Variants in ZNF34 observed in about 807,000 individuals in gnomAD.
ZNF34 encodes zinc finger protein 34 (KOX 32).
Under a neutral mutation model 14.4 loss-of-function variants are expected in ZNF34, and 8 were observed. The observed-to-expected ratio is 0.55, with a 90% confidence interval of 0.33 to 1.00. The LOEUF is 1.00. ZNF34 is among the 50% of genes least tolerant of loss of function. The pLI is 0.03. For synonymous variants in ZNF34, 235 were observed against 247.9 expected (o/e 0.95, Z 0.49); for missense variants, 538 against 674.2 (o/e 0.80, Z 2.24).
rs776224717 is a variant in ZNF34, at chr8:144,773,492, T to C, written c.1394A>G (p.Asn465Ser). 1.1e-5 allele frequency: 18 copies of C among 1,613,928 alleles called. No individual in the cohort carries two copies. Among genetic ancestry groups the C allele is most frequent in the Non-Finnish European group, 1.5e-5 (18 of 1,180,012 alleles). ...CTGGTGGTGGATGAGTCTGGAACTGTTGTGGAAGGCCTTCCCACACTCGCT... is the reference window on the plus strand; with the variant it reads ...CTGGTGGTGGATGAGTCTGGAACTGCTGTGGAAGGCCTTCCCACACTCGCT... ...KCSECGKAFH[N>S]SSRLIHHQRL... The change falls in exon 6 of 6, where the codon AAC (asparagine) becomes AGC (serine). Residue 465 changes from asparagine to serine, a missense_variant. Physicochemically the swap from Asn to Ser is conservative, Grantham distance 46 (BLOSUM62 1). This residue lies in a region of ZNF34 where 101 missense variants were observed against 123.1 expected (regional missense o/e 0.82). Coordinates refer to ENST00000429371, the MANE Select transcript of ZNF34 (RefSeq NM_001286769.2). The surrounding 1 kb of genome is among the most constrained non-coding windows in gnomAD (Gnocchi z 5.4).
Position 144,774,275 on chromosome 8 carries a change from A to C in ZNF34, c.611T>G (p.Val204Gly). The C allele has an allele frequency of 6.2e-7, 1 of 1,613,838 alleles. No individual in the cohort carries two copies. Among genetic ancestry groups the C allele is most frequent in the Non-Finnish European group, 8.5e-7 (1 of 1,179,790 alleles). Residue 204 changes from valine (V) to glycine (G), a missense_variant, in exon 6 of 6, where the codon GTT (valine) becomes GGT (glycine). Transcript: ENST00000429371. The stretch of plus-strand genomic sequence containing the variant: ...ACTGAAGATTTCCCCAGAGTTACGA[A>C]CTGTATTTGTTTTTTTTGACCTGTG... ...RVHRSKKTNT[V>G]RNSGEIFSAN...
rs1193478439 is a variant in ZNF34 at position 144,781,329 on chromosome 8, C to T, written c.-107-1049G>A. 8.0e-5 allele frequency among the ~76,000 whole-genome samples: 12 copies of T among 149,680 alleles called. No individual in the cohort carries two copies. The Middle Eastern group carries it at 0.01, about 130-fold the overall frequency. On this transcript the variant is annotated intron_variant, in intron 1 of 5. Transcript: ENST00000429371. The stretch of plus-strand genomic sequence containing the variant: ...TGTCGCCCAGGCTAGAGTACAGTGG[C>T]GCGATCTTGGCTCACTGCAAGCTCT...
At chr8:144,784,103 T>G (rs1238155297) in intron 1 of ZNF34, among the ~76,000 whole-genome samples, 5 of 145,760 alleles carry the variant, frequency 3.4e-5, no homozygotes, top group Non-Finnish European at 4.5e-5. Flanking sequence ...GAGGTTACAG[T>G]GAGCCGAGAT....
Position 144,778,398 on chromosome 8 carries a change from T to C in ZNF34, c.33+41A>G, listed in dbSNP as rs577008460. ...TGGCAGTGTTTGCCAAGGAAAGCCC[T>C]GGGTAAAAACTTCACTCCTCCCAGG... On this transcript the variant is annotated intron_variant, in intron 3 of 5. Coordinates refer to ENST00000429371, the MANE Select transcript of ZNF34 (RefSeq NM_001286769.2). 1.4e-5 allele frequency: 21 copies of C among 1,485,700 alleles called. 1 individual carries two copies. In the South Asian group the frequency reaches 2.8e-4, roughly 20 times the overall value. 92.0% of individuals were successfully genotyped at this position (1,485,700 alleles called of 1,614,324 possible). A position where few individuals can be genotyped will look rare whatever the true frequency, so the allele number is the denominator to read the frequency against.
In ZNF34 at chr8:144,779,450, C is replaced by T. The variant is rs1242137067; in HGVS notation, c.-55+778G>A. Reference sequence around the variant, plus strand: ...ATCATCAATAAATAGTGTGGGCTCCCAGAGCTTGGTGCCTTCACAGCCTCC... The same window carrying T: ...ATCATCAATAAATAGTGTGGGCTCCTAGAGCTTGGTGCCTTCACAGCCTCC... On this transcript the variant is annotated intron_variant, in intron 2 of 5. Coordinates refer to ENST00000429371, the MANE Select transcript of ZNF34 (RefSeq NM_001286769.2). The surrounding 1 kb of genome is among the most constrained non-coding windows in gnomAD (Gnocchi z 4.1). Among the ~76,000 whole-genome samples, 2 of 152,150 alleles carry T rather than the reference C, an allele frequency of 1.3e-5. No individual in the cohort carries two copies. Among genetic ancestry groups the T allele is most frequent in the African/African-American group, 2.4e-5 (1 of 41,424 alleles).
chr8:144,785,105 C>A (rs2955196), intron 1 of ZNF34, among the ~76,000 whole-genome samples: 14 of 104,424 alleles, frequency 1.3e-4, no homozygotes, highest in East Asian at 5.1e-4. Flanking sequence ...CCAGACCCTG[C>A]CAAAAAAAAA....
At position 144,779,812 on chromosome 8, in the gene ZNF34, T is replaced by G. The variant is rs1202091459; in HGVS notation, c.-55+416A>C. Among the ~76,000 whole-genome samples, 1 of 152,024 alleles carries G rather than the reference T, an allele frequency of 6.6e-6. No homozygotes were observed. Among genetic ancestry groups the G allele is most frequent in the Non-Finnish European group, 1.5e-5 (1 of 68,010 alleles). On this transcript the variant is annotated intron_variant, in intron 2 of 5. Coordinates refer to ENST00000429371, the MANE Select transcript of ZNF34 (RefSeq NM_001286769.2). The surrounding 1 kb of genome is among the most constrained non-coding windows in gnomAD (Gnocchi z 4.1). ...GCTCTGGCATGCTAAGCTGTCTCAT[T>G]CAGGAGGAAAACGACAATACTCATT...
intron 1 of ZNF34, among the ~76,000 whole-genome samples, chr8:144,787,066 A>G (rs1826292087): frequency 6.6e-6 from 1 of 152,060 alleles, no homozygotes. Flanking sequence ...CCCCGTGAGG[A>G]GCGACCCCAG....
intron 1 of ZNF34, among the ~76,000 whole-genome samples, chr8:144,786,883 C>T (rs950405688): frequency 6.6e-6 from 1 of 151,992 alleles, no homozygotes; most frequent in South Asian, 2.1e-4. Flanking sequence ...GAGCCCCGCC[C>T]CTGAAAAGCT....
Position 144,778,540 on chromosome 8 carries a change from C to T in ZNF34, c.-54-15G>A, listed in dbSNP as rs936684641. 1.9e-5 allele frequency: 30 copies of T among 1,545,298 alleles called. No individual in the cohort carries two copies. Among genetic ancestry groups the T allele is most frequent in the Non-Finnish European group, 2.5e-5 (29 of 1,145,186 alleles). ...TCACTGAGGAGCTGAGGGAAGAGAA[C>T]GCAACAAGTGGAGGCCCAGTCTGGC... is the stretch of plus-strand genomic sequence containing the variant. On this transcript the variant is annotated splice_polypyrimidine_tract_variant and intron_variant, in intron 2 of 5. Coordinates refer to ENST00000429371, the MANE Select transcript of ZNF34 (RefSeq NM_001286769.2).
At position 144,773,222 on chromosome 8, in the gene ZNF34, AG is replaced by A. The variant is rs1240940982; in HGVS notation, c.*43del. On this transcript the variant is annotated 3_prime_UTR_variant, in exon 6 of 6. Coordinates refer to ENST00000429371, the MANE Select transcript of ZNF34 (RefSeq NM_001286769.2). The surrounding 1 kb of genome is among the most constrained non-coding windows in gnomAD (Gnocchi z 5.4). ...AGAGTCAGGTGCCGGGGGCGCATGC[AG>A]GAAGTGCTCAGCTGGACTCTGCCCT... 3.9e-6 allele frequency: 6 copies of A among 1,549,064 alleles called. No individual in the cohort carries two copies. The highest frequency in any genetic ancestry group is 4.4e-6 in the Non-Finnish European group (5 of 1,144,590).
chr8:144,774,622 A>G lies in ZNF34; in HGVS notation c.281-17T>C. 1 of 1,601,000 alleles carries G rather than the reference A, an allele frequency of 6.2e-7. No individual in the cohort carries two copies. Among genetic ancestry groups the G allele is most frequent in the Non-Finnish European group, 8.5e-7 (1 of 1,174,154 alleles). ...TCCCAAGAGCTGAAACAAAAAACAG[A>G]ACATCTAAGGGTCACCTGCTCTGAC... On this transcript the variant is annotated splice_polypyrimidine_tract_variant and intron_variant, in intron 5 of 5. Transcript: ENST00000429371.
At chr8:144,776,374 A>C (rs1825516162) in intron 5 of ZNF34, among the ~76,000 whole-genome samples, 1 of 150,164 alleles carries the variant, frequency 6.7e-6, no homozygotes, top group African/African-American at 2.5e-5. Flanking sequence ...CCAAGGTGGG[A>C]GGATCGCTTG....
At chr8:144,784,478 G>T (rs961141437) in intron 1 of ZNF34, among the ~76,000 whole-genome samples, 2 of 140,658 alleles carry the variant, frequency 1.4e-5, no homozygotes, top group Admixed American at 7.0e-5. Flanking sequence ...AAAAAAAAAA[G>T]GTCGGGCACG....
intron 1 of ZNF34, among the ~76,000 whole-genome samples, chr8:144,786,024 A>G (rs145324126): frequency 7.8e-6 from 1 of 127,412 alleles, no homozygotes; most frequent in African/African-American, 3.1e-5. Context: ...TTGCTCCATC[A>G]CCCAGGCTGG....
At chr8:144,785,105 C>G (rs2955196) in intron 1 of ZNF34, among the ~76,000 whole-genome samples, 1 of 104,444 alleles carries the variant, frequency 9.6e-6, no homozygotes, top group African/African-American at 4.1e-5. Flanking sequence ...CCAGACCCTG[C>G]CAAAAAAAAA....
chr8:144,780,461 C>T (rs1242679382), intron 1 of ZNF34, among the ~76,000 whole-genome samples, 181 bp from the exon 2 acceptor site: 2 of 152,184 alleles, frequency 1.3e-5, no homozygotes, highest in Non-Finnish European at 2.9e-5. Context: ...TGACAAATTG[C>T]ACAAGCCCAT....
chr8:144,773,000 G>C lies in ZNF34; in HGVS notation c.*266C>G. 5.3e-6 allele frequency: 2 copies of C among 376,418 alleles called. No homozygotes were observed. The highest frequency in any genetic ancestry group is 9.5e-6 in the Non-Finnish European group (2 of 210,110). 23.3% of individuals were successfully genotyped at this position (376,418 alleles called of 1,614,324 possible). ...TTTAAAATGCTCTCCAGTATGTCTC[G>C]AAAATATTCGTAAATCAGCAGCAAT... On this transcript the variant is annotated 3_prime_UTR_variant, in exon 6 of 6. Transcript: ENST00000429371.
In ZNF34 at chr8:144,772,345, C is replaced by T. The variant is rs566308043; in HGVS notation, c.*921G>A. ...ATGAAGAGTTATTATTTAATAGGTA[C>T]AGGGTTTCTGTTTGGAGTAATAAAA... On this transcript the variant is annotated 3_prime_UTR_variant, in exon 6 of 6. Coordinates refer to ENST00000429371, the MANE Select transcript of ZNF34 (RefSeq NM_001286769.2). Among the ~76,000 whole-genome samples the T allele has an allele frequency of 1.1e-4, 17 of 152,172 alleles. 1 individual carries two copies. The South Asian group carries it at 3.3e-3, about 30-fold the overall frequency.
Sources: gnomAD v4.1 joint callset for allele counts (sites outside exome capture counted in the v4.1 genomes callset) on GRCh38, gnomAD v4.1.1 for gene constraint, gnomAD v4.1.1 regional missense constraint, Gnocchi (gnomAD v3.1) non-coding constraint, MANE v1.5 for transcripts, NCBI Gene and HGNC (gene_info 2026-07-23, HGNC 2026-07-21) for gene names.